Variants in ENTREP2 observed in about 807,000 individuals in gnomAD.
ENTREP2 encodes protein ENTREP2.
chr15:29,371,349 A>ACACACACAC, the ENTREP2 span, among the ~76,000 whole-genome samples: 1 of 133,890 alleles, frequency 7.5e-6, no homozygotes, highest in Non-Finnish European at 1.6e-5. Context: ...CACCCCCGCA[A>ACACACACAC]ACACACACAC....
the ENTREP2 span, among the ~76,000 whole-genome samples, chr15:29,317,388 T>C: frequency 2.0e-5 from 3 of 152,232 alleles, no homozygotes; most frequent in African/African-American, 7.2e-5. Flanking sequence ...GGCAAAACAT[T>C]GTTCCCTTTC....
At chr15:29,248,429 T>C in the ENTREP2 span, among the ~76,000 whole-genome samples, 2 of 152,286 alleles carry the variant, frequency 1.3e-5, no homozygotes, top group Non-Finnish European at 2.9e-5. Context: ...CCAGGGAATA[T>C]ATTTGCCCAA....
chr15:29,657,483 C>CGGG, the ENTREP2 span, among the ~76,000 whole-genome samples: 446 of 69,170 alleles, frequency 6.4e-3, 3 homozygotes, highest in Non-Finnish European at 9.5e-3. Context: ...GCTGGGGGGG[C>CGGG]GGGGGGGGGG....
chr15:29,181,590 C>T, the ENTREP2 span, among the ~76,000 whole-genome samples: 9 of 151,952 alleles, frequency 5.9e-5, no homozygotes, highest in East Asian at 3.9e-4. Context: ...AATGCAAGAA[C>T]GGTTCCACAT....
At chr15:29,158,762 G>A in the ENTREP2 span, among the ~76,000 whole-genome samples, 1 of 151,722 alleles carries the variant, frequency 6.6e-6, no homozygotes, top group Non-Finnish European at 1.5e-5. Flanking sequence ...ACTGAGTTTT[G>A]CTACTGGATA....
At chr15:29,175,877 A>G in the ENTREP2 span, among the ~76,000 whole-genome samples, 9 of 152,340 alleles carry the variant, frequency 5.9e-5, no homozygotes, top group East Asian at 1.7e-3. Flanking sequence ...AAGTGCTGGG[A>G]TAACAGGCGT....
At chr15:29,206,794 A>C in the ENTREP2 span, among the ~76,000 whole-genome samples, 2 of 152,228 alleles carry the variant, frequency 1.3e-5, no homozygotes, top group African/African-American at 4.8e-5. Context: ...ATTGTATGAT[A>C]CGTGAATTAT....
chr15:29,499,803 G>A, the ENTREP2 span, among the ~76,000 whole-genome samples: 1 of 152,108 alleles, frequency 6.6e-6, no homozygotes, highest in Admixed American at 6.6e-5. Context: ...GAAAGGCAGA[G>A]ATTGGCAGAA....
chr15:29,561,711 A>AATAAAAT, the ENTREP2 span, among the ~76,000 whole-genome samples: 7 of 149,898 alleles, frequency 4.7e-5, no homozygotes, highest in Admixed American at 6.7e-5. Context: ...TAATAATAAT[A>AATAAAAT]AAATAAATAA....
chr15:29,596,159 C>T, the ENTREP2 span, among the ~76,000 whole-genome samples: 1 of 152,064 alleles, frequency 6.6e-6, no homozygotes, highest in Non-Finnish European at 1.5e-5. Context: ...AAAGTAATTG[C>T]GGTTTTGCTG....
chr15:29,179,747 ATT>A, the ENTREP2 span, among the ~76,000 whole-genome samples: 3 of 149,100 alleles, frequency 2.0e-5, no homozygotes, highest in Non-Finnish European at 3.0e-5. Flanking sequence ...CGCCCGGCTA[ATT>A]TTTTTTTTTG....
chr15:29,591,885 GAA>G, the ENTREP2 span, among the ~76,000 whole-genome samples: 1 of 72,048 alleles, frequency 1.4e-5, no homozygotes, highest in African/African-American at 4.7e-5. Flanking sequence ...AGAAGAAGAA[GAA>G]GAAGAAGAAG....
At chr15:29,135,041 C>T in the ENTREP2 span, among the ~76,000 whole-genome samples, 1 of 152,036 alleles carries the variant, frequency 6.6e-6, no homozygotes, top group Non-Finnish European at 1.5e-5. This position sits in a 1 kb window ranked among gnomAD's most constrained non-coding sequence, Gnocchi z 7.4. Context: ...TCTGGGTGGG[C>T]CTGGATGCTT....
the ENTREP2 span, among the ~76,000 whole-genome samples, chr15:29,286,399 A>C: frequency 6.6e-6 from 1 of 152,238 alleles, no homozygotes; most frequent in Non-Finnish European, 1.5e-5. Context: ...TGAAAATAAC[A>C]GCATATGTGG....
chr15:29,159,152 AGT>A, the ENTREP2 span, among the ~76,000 whole-genome samples: 12 of 151,778 alleles, frequency 7.9e-5, no homozygotes, highest in African/African-American at 2.9e-4. Flanking sequence ...GCGTGTCTGG[AGT>A]CTGTTCGTTC....
chr15:29,490,206 T>C, the ENTREP2 span, among the ~76,000 whole-genome samples: 5 of 152,182 alleles, frequency 3.3e-5, no homozygotes, highest in African/African-American at 7.2e-5. Flanking sequence ...TAGTTCCTTG[T>C]GGTGTTCGGA....
the ENTREP2 span, among the ~76,000 whole-genome samples, chr15:29,622,372 A>AT: frequency 3.3e-5 from 5 of 151,712 alleles, no homozygotes; most frequent in African/African-American, 7.3e-5. Flanking sequence ...CGCCCGGCTA[A>AT]TTTTTTTGTA....
the ENTREP2 span, among the ~76,000 whole-genome samples, chr15:29,392,348 A>ACCCCCCCCCCCCCCCC: frequency 3.0e-5 from 3 of 100,936 alleles, no homozygotes; most frequent in African/African-American, 7.5e-5. Flanking sequence ...AAAAGTTATG[A>ACCCCCCCCCCCCCCCC]CCCCCCCCAC....
At chr15:29,385,185 G>A in the ENTREP2 span, among the ~76,000 whole-genome samples, 1 of 152,162 alleles carries the variant, frequency 6.6e-6, no homozygotes, top group Non-Finnish European at 1.5e-5. Flanking sequence ...CAGTGACTAA[G>A]TCGCTTGTAG....
Sources: gnomAD v4.1 joint callset for allele counts (sites outside exome capture counted in the v4.1 genomes callset) on GRCh38, gnomAD v4.1.1 for gene constraint, Gnocchi (gnomAD v3.1) non-coding constraint, MANE v1.5 for transcripts, NCBI Gene and HGNC (gene_info 2026-07-23, HGNC 2026-07-21) for gene names.